The following SNX29 variants were observed in gnomAD, a reference collection of about 807,000 sequenced individuals.
SNX29 encodes sorting nexin 29.
A neutral mutation model predicts 102.1 loss-of-function variants in SNX29; 78 were observed. The ratio of observed to expected loss-of-function variants is 0.76; its 90% CI spans 0.64 to 0.92. The LOEUF is 0.92. Among genes scored for constraint, SNX29 ranks in the 40% least tolerant of loss-of-function variants. The probability of loss-of-function intolerance (pLI) is 0.00; values close to 1 mark genes in which losing one functional copy is unlikely to be tolerated. For missense variants in SNX29, 1,280 were observed against 1,061.7 expected (o/e 1.21, Z -2.86); for synonymous variants, 580 against 414.5 (o/e 1.40, Z -4.85).
At chr16:12,529,679 G>A (rs929763533) in intron 20 of SNX29, among the ~76,000 whole-genome samples, 2 of 151,996 alleles carry the variant, frequency 1.3e-5, no homozygotes, top group East Asian at 3.9e-4. Context: ...CCCCGCCGCC[G>A]CCCCCATTTG....
intron 20 of SNX29, among the ~76,000 whole-genome samples, chr16:12,528,841 G>C (rs907866032): frequency 1.3e-5 from 2 of 152,228 alleles, no homozygotes; most frequent in African/African-American, 4.8e-5. Context: ...TTCAGGAATG[G>C]TGGTCCCATT....
At chr16:12,542,370 C>T (rs114239143) in intron 20 of SNX29, among the ~76,000 whole-genome samples, 1 of 152,244 alleles carries the variant, frequency 6.6e-6, no homozygotes, top group Non-Finnish European at 1.5e-5. Flanking sequence ...GACCCAAGTT[C>T]TATCACCCAG....
intron 11 of SNX29, among the ~76,000 whole-genome samples, chr16:12,099,973 C>T (rs1455020742): frequency 6.6e-6 from 1 of 152,100 alleles, no homozygotes; most frequent in Non-Finnish European, 1.5e-5. Flanking sequence ...ATGGATTTCC[C>T]CTGTCTAGTC....
intron 19 of SNX29, among the ~76,000 whole-genome samples, chr16:12,493,530 C>T (rs1364281005): frequency 6.6e-6 from 1 of 152,096 alleles, no homozygotes; most frequent in Non-Finnish European, 1.5e-5. Flanking sequence ...CCTTTATTTC[C>T]TTCTCCTGCC....
intron 15 of SNX29, among the ~76,000 whole-genome samples, chr16:12,310,517 G>C (rs1338520255): frequency 7.4e-6 from 1 of 135,136 alleles, no homozygotes; most frequent in African/African-American, 2.7e-5. Flanking sequence ...TGTGCCAAGT[G>C]AAAAAAAAAA....
intron 20 of SNX29, among the ~76,000 whole-genome samples, chr16:12,561,498 G>C (rs2078721484): frequency 6.6e-6 from 1 of 152,286 alleles, no homozygotes; most frequent in Non-Finnish European, 1.5e-5. Flanking sequence ...GCCAGACCCA[G>C]ATCACAGGTG....
intron 19 of SNX29, among the ~76,000 whole-genome samples, chr16:12,488,708 C>T (rs1163292063): frequency 1.3e-5 from 2 of 152,164 alleles, no homozygotes; most frequent in Non-Finnish European, 2.9e-5. Flanking sequence ...CATGTGGCGC[C>T]ATCTCACCTG....
intron 5 of SNX29, 110 bp from the exon 6 acceptor site, chr16:12,046,274 T>G (rs1274704717): frequency 9.6e-7 from 1 of 1,042,352 alleles, no homozygotes; most frequent in Non-Finnish European, 1.5e-6. Flanking sequence ...ATATCCCTCT[T>G]GGGGTGACCA....
intron 14 of SNX29, among the ~76,000 whole-genome samples, chr16:12,230,969 C>A (rs2077752526): frequency 6.6e-6 from 1 of 152,076 alleles, no homozygotes; most frequent in Admixed American, 6.6e-5. Context: ...GCCTCAGCCT[C>A]CCGAGTAGCT....
At chr16:12,105,526 A>G (rs546759743) in intron 11 of SNX29, among the ~76,000 whole-genome samples, 158 of 152,146 alleles carry the variant, frequency 1.0e-3, no homozygotes, top group Non-Finnish European at 1.8e-3. Context: ...CCGGCCAGGA[A>G]TCTAATTTCT....
intron 18 of SNX29, among the ~76,000 whole-genome samples, chr16:12,451,081 G>C (rs1260734781): frequency 6.6e-6 from 1 of 152,114 alleles, no homozygotes; most frequent in African/African-American, 2.4e-5. Context: ...TGCCCCCAAA[G>C]TAGCCACTTT....
chr16:12,159,389 T>C (rs546238288), intron 13 of SNX29, among the ~76,000 whole-genome samples: 2 of 152,368 alleles, frequency 1.3e-5, no homozygotes, highest in East Asian at 1.9e-4. Context: ...AGATGCAAGA[T>C]GATTTTGAGA....
chr16:12,404,290 G>T (rs1199725378), intron 18 of SNX29, among the ~76,000 whole-genome samples: 1 of 152,166 alleles, frequency 6.6e-6, no homozygotes, highest in African/African-American at 2.4e-5. Context: ...AGCGAAATGT[G>T]TGTCTGCTTA....
intron 3 of SNX29, among the ~76,000 whole-genome samples, chr16:12,014,458 C>T (rs944457881): frequency 1.3e-5 from 2 of 151,834 alleles, no homozygotes; most frequent in Non-Finnish European, 2.9e-5. Flanking sequence ...CAGAGCCGGG[C>T]GCGGTGGCTC....
intron 14 of SNX29, among the ~76,000 whole-genome samples, chr16:12,269,457 T>C (rs2079027593): frequency 6.6e-6 from 1 of 152,234 alleles, no homozygotes; most frequent in South Asian, 2.1e-4. Context: ...ATTATTTTGA[T>C]TTCTGTGACA....
rs556589605 is a variant in SNX29 at position 12,122,835 on chromosome 16, AT to A, written c.1403-3790del. Among the ~76,000 whole-genome samples, 458 of 151,802 alleles carry A rather than the reference AT, an allele frequency of 3.0e-3. 2 individuals carry two copies. Among genetic ancestry groups the A allele is most frequent in the Non-Finnish European group, 3.6e-3 (247 of 67,910 alleles). The stretch of plus-strand genomic sequence containing the variant: ...CTCTGTTATTAATAATTTAAAAAAA[AT>A]TTTTTTTCTAGGCGGAGTCTCACTC... On this transcript the variant is annotated intron_variant, in intron 11 of 20. Transcript: ENST00000566228.
chr16:12,520,450 CCT>C (rs2090054918), intron 19 of SNX29, among the ~76,000 whole-genome samples: 1 of 152,150 alleles, frequency 6.6e-6, no homozygotes, highest in Admixed American at 6.5e-5. Context: ...TAGTCTTGAC[CCT>C]TTGTGCAAGT....
chr16:12,291,681 A>C (rs1172323686), intron 15 of SNX29, among the ~76,000 whole-genome samples: 3 of 152,176 alleles, frequency 2.0e-5, no homozygotes, highest in African/African-American at 7.2e-5. Flanking sequence ...CTTAGGTTCC[A>C]TTCTCTCTTT....
chr16:12,308,201 C>G (rs1014493139), intron 15 of SNX29, among the ~76,000 whole-genome samples: 2 of 152,210 alleles, frequency 1.3e-5, no homozygotes, highest in Non-Finnish European at 2.9e-5. Flanking sequence ...TGCTGACACC[C>G]GGCAGGCAGG....
Sources: allele counts gnomAD v4.1 joint callset (sites outside exome capture counted in the v4.1 genomes callset), GRCh38; gene constraint gnomAD v4.1.1; transcripts MANE v1.5; gene names NCBI Gene and HGNC (gene_info 2026-07-23, HGNC 2026-07-21).